The following HMBOX1 variants were observed in gnomAD, a reference collection of about 807,000 sequenced individuals.
The protein encoded by HMBOX1 is homeobox-containing protein 1.
A neutral mutation model predicts 54.5 loss-of-function variants in HMBOX1; 14 were observed. The ratio of observed to expected loss-of-function variants is 0.26; its 90% CI spans 0.17 to 0.40. HMBOX1 has a LOEUF of 0.40. Among genes scored for constraint, HMBOX1 ranks in the 10% least tolerant of loss-of-function variants. The pLI, the probability that HMBOX1 is intolerant of heterozygous loss-of-function variation, is 1.00. For missense variants in HMBOX1, 332 were observed against 514.4 expected (o/e 0.65, Z 3.43); for synonymous variants, 160 against 181.0 (o/e 0.88, Z 0.93).
intron 1 of HMBOX1, among the ~76,000 whole-genome samples, chr8:28,921,616 A>G (rs999830983): frequency 2.0e-5 from 3 of 152,236 alleles, no homozygotes; most frequent in Admixed American, 6.5e-5. Context: ...ATAACTGCAT[A>G]TGTTTCATTC....
Position 29,001,312 on chromosome 8 carries a change from G to A in HMBOX1, c.587-7760G>A, listed in dbSNP as rs186559838. Reference sequence around the variant, plus strand: ...CTCCTGTAATCCAGGTACTCTGGGAGGCCAAGGCGGGTGGCTCACCTAAGG... The same window carrying A: ...CTCCTGTAATCCAGGTACTCTGGGAAGCCAAGGCGGGTGGCTCACCTAAGG... On this transcript the variant is annotated intron_variant, in intron 4 of 9. Coordinates refer to ENST00000287701, the MANE Select transcript of HMBOX1 (RefSeq NM_001135726.3). 1.5e-4 allele frequency among the ~76,000 whole-genome samples: 23 copies of A among 152,308 alleles called. No homozygotes were observed. In the East Asian group the frequency reaches 4.2e-3, roughly 28 times the overall value.
chr8:28,953,905 G>A (rs1321358279), intron 1 of HMBOX1, among the ~76,000 whole-genome samples: 1 of 152,176 alleles, frequency 6.6e-6, no homozygotes, highest in African/African-American at 2.4e-5. Flanking sequence ...AGAGTTGTAT[G>A]TTAGCTGTAT....
chr8:28,924,395 A>C (rs960087298), intron 1 of HMBOX1, among the ~76,000 whole-genome samples: 18 of 151,212 alleles, frequency 1.2e-4, no homozygotes, highest in Admixed American at 1.1e-3. Context: ...GGTGTGAGCC[A>C]CCATGCCCGG....
chr8:28,993,414 AT>A (rs1221582577), intron 4 of HMBOX1, among the ~76,000 whole-genome samples: 1 of 152,212 alleles, frequency 6.6e-6, no homozygotes, highest in Non-Finnish European at 1.5e-5. Flanking sequence ...GTACAAGAAT[AT>A]TTATTGCAGC....
In HMBOX1 at chr8:29,051,662, T is replaced by A; in HGVS notation, c.*507T>A. ...ATCCCCACCTCAGCGTGAGGATAAT[T>A]GATTTCCAGCTGCAATAAGCCGTGC... On this transcript the variant is annotated 3_prime_UTR_variant, in exon 10 of 10. Transcript: ENST00000287701. The A allele has an allele frequency of 1.4e-6, 1 of 700,900 alleles. No homozygotes were observed. Among genetic ancestry groups the A allele is most frequent in the Admixed American group, 2.0e-5 (1 of 49,968 alleles). The allele number at this position is 700,900 out of a possible 1,614,324, so 43.4% of individuals were successfully genotyped here.
intron 4 of HMBOX1, among the ~76,000 whole-genome samples, chr8:28,994,697 C>T (rs1831526998): frequency 6.6e-6 from 1 of 152,062 alleles, no homozygotes; most frequent in South Asian, 2.1e-4. Flanking sequence ...GTATTTGTAG[C>T]ATTATAGAGC....
At position 28,951,255 on chromosome 8, in the gene HMBOX1, C is replaced by T. The variant is rs895692430; in HGVS notation, c.-57-12556C>T. Among the ~76,000 whole-genome samples the T allele has an allele frequency of 2.0e-5, 3 of 152,208 alleles. 1 individual carries two copies. The highest frequency in any genetic ancestry group is 6.3e-3 in the Middle Eastern group (2 of 316). ...TCAAGCGATTCTCCTACCTCAGCCT[C>T]CCAAGTAGCTGGAACTACAGGCGCA... On this transcript the variant is annotated intron_variant, in intron 1 of 9. Coordinates refer to ENST00000287701, the MANE Select transcript of HMBOX1 (RefSeq NM_001135726.3).
intron 4 of HMBOX1, among the ~76,000 whole-genome samples, chr8:29,008,178 C>G (rs146137687): frequency 2.0e-5 from 3 of 152,292 alleles, no homozygotes; most frequent in African/African-American, 7.2e-5. Flanking sequence ...TGTGGACTTA[C>G]AAGACAGTTT....
At chr8:28,945,698 T>G (rs559002907) in intron 1 of HMBOX1, among the ~76,000 whole-genome samples, 2 of 152,304 alleles carry the variant, frequency 1.3e-5, no homozygotes, top group East Asian at 3.9e-4. Context: ...CTATCGATTA[T>G]ATTTTGAATT....
At chr8:28,905,236 G>A (rs929766154) in intron 1 of HMBOX1, among the ~76,000 whole-genome samples, 1 of 152,106 alleles carries the variant, frequency 6.6e-6, no homozygotes, top group Non-Finnish European at 1.5e-5. Context: ...GTTTTTTGTT[G>A]TTGTTGTTGT....
At chr8:28,992,869 C>CA (rs34488854) in intron 4 of HMBOX1, among the ~76,000 whole-genome samples, 39,351 of 57,328 alleles carry the variant, frequency 0.69, 14,826 homozygotes, top group Non-Finnish European at 0.78. Context: ...GACTCTGTCT[C>CA]AAAAAAAAAA....
intron 5 of HMBOX1, among the ~76,000 whole-genome samples, chr8:29,015,585 G>T (rs1251528433): frequency 1.3e-5 from 2 of 152,128 alleles, no homozygotes; most frequent in African/African-American, 2.4e-5. Context: ...AAACCCTCCA[G>T]CCCCCAAATT....
At chr8:28,924,386 G>T (rs995998760) in intron 1 of HMBOX1, among the ~76,000 whole-genome samples, 5 of 151,582 alleles carry the variant, frequency 3.3e-5, no homozygotes, top group African/African-American at 9.7e-5. Flanking sequence ...GGGATTACAG[G>T]TGTGAGCCAC....
At chr8:28,923,285 A>G (rs971219162) in intron 1 of HMBOX1, among the ~76,000 whole-genome samples, 6 of 152,138 alleles carry the variant, frequency 3.9e-5, no homozygotes, top group Non-Finnish European at 4.4e-5. Context: ...GTATACTACT[A>G]TTTGGATCTG....
intron 1 of HMBOX1, among the ~76,000 whole-genome samples, chr8:28,918,785 T>A (rs1469998182): frequency 6.6e-6 from 1 of 152,218 alleles, no homozygotes; most frequent in Non-Finnish European, 1.5e-5. Flanking sequence ...ATCACTGTCA[T>A]CAATAACATA....
chr8:28,965,133 T>C (rs964388539), intron 2 of HMBOX1, among the ~76,000 whole-genome samples: 2 of 152,254 alleles, frequency 1.3e-5, no homozygotes, highest in African/African-American at 4.8e-5. Context: ...CATGAATTTT[T>C]GCCTGATTTG....
chr8:28,914,090 A>T (rs1365286391), intron 1 of HMBOX1, among the ~76,000 whole-genome samples: 5 of 151,552 alleles, frequency 3.3e-5, no homozygotes, highest in Non-Finnish European at 5.9e-5. Context: ...CTGGTCTCGA[A>T]CTCCTGACCT....
intron 5 of HMBOX1, among the ~76,000 whole-genome samples, chr8:29,014,547 T>G (rs1191611324): frequency 6.6e-6 from 1 of 152,186 alleles, no homozygotes; most frequent in Non-Finnish European, 1.5e-5. Flanking sequence ...TTTTAACTAC[T>G]GCTACATTGA....
chr8:29,024,980 C>T (rs1449442664), intron 6 of HMBOX1, among the ~76,000 whole-genome samples: 1 of 152,006 alleles, frequency 6.6e-6, no homozygotes, highest in South Asian at 2.1e-4. Flanking sequence ...CCCACCCCGT[C>T]GGTGGAAAAA....
Sources: allele counts gnomAD v4.1 joint callset (sites outside exome capture counted in the v4.1 genomes callset), GRCh38; gene constraint gnomAD v4.1.1; transcripts MANE v1.5; gene names NCBI Gene and HGNC (gene_info 2026-07-23, HGNC 2026-07-21).